Variants in BRAT1 observed in about 807,000 individuals in gnomAD.
The protein encoded by BRAT1 is BRCA1 associated ATM activator 1, also known as integrator complex assembly factor BRAT1.
A neutral mutation model predicts 70.6 loss-of-function variants in BRAT1; 74 were observed. That is an observed-to-expected ratio of 1.05 (90% CI 0.87 to 1.27). The LOEUF (loss-of-function observed/expected upper bound fraction) is 1.27, where lower values mean the gene tolerates loss of function less well. Ranked by LOEUF, BRAT1 falls within the 50% of genes most tolerant of loss-of-function variation. The pLI is 0.00. For synonymous variants in BRAT1, 615 were observed against 517.1 expected (o/e 1.19, Z -2.57); for missense variants, 1,203 against 1,098.2 (o/e 1.10, Z -1.35).
intron 10 of BRAT1, 53 bp from the exon 11 acceptor site, chr7:2,539,941 T>G (rs1359564341): frequency 4.6e-6 from 6 of 1,305,718 alleles, no homozygotes; most frequent in East Asian, 5.2e-5. Context: ...GGGCAGGCTG[T>G]CTGTCTGTCC....
At chr7:2,555,142 C>A (rs1293145218) in intron 1 of BRAT1, among the ~76,000 whole-genome samples, 1 of 151,636 alleles carries the variant, frequency 6.6e-6, no homozygotes, top group East Asian at 1.9e-4. Context: ...GGGCGCCTGT[C>A]TCTCCCAGGA....
chr7:2,540,803 G>T, intron 10 of BRAT1, 176 bp downstream of exon 10: 1 of 583,516 alleles, frequency 1.7e-6, no homozygotes, highest in Non-Finnish European at 2.7e-6. Context: ...ACCAACAAGA[G>T]GCCCTGGGCC....
At chr7:2,540,921 G>T (rs1779098782) in intron 10 of BRAT1, 58 bp downstream of exon 10, 3 of 1,443,680 alleles carry the variant, frequency 2.1e-6, no homozygotes, top group African/African-American at 2.9e-5. Context: ...GGAGTCAGGG[G>T]TGGGTCCCAC....
intron 2 of BRAT1, among the ~76,000 whole-genome samples, 193 bp downstream of exon 2, chr7:2,554,112 A>G (rs1309350600): frequency 6.6e-6 from 1 of 152,218 alleles, no homozygotes; most frequent in African/African-American, 2.4e-5. Context: ...TCTCCAGATC[A>G]TTCTCTCGGG....
chr7:2,544,096 G>T, intron 4 of BRAT1, 134 bp from the exon 5 acceptor site: 1 of 684,414 alleles, frequency 1.5e-6, no homozygotes. Context: ...CCACTCAAAA[G>T]CAAAAAAGAA....
intron 7 of BRAT1, 116 bp downstream of exon 7, chr7:2,542,004 G>T: frequency 8.3e-7 from 1 of 1,210,234 alleles, no homozygotes; most frequent in Non-Finnish European, 1.1e-6. Flanking sequence ...TTGGAGGGAG[G>T]CCTGGGTGTG....
Position 2,541,721 on chromosome 7 carries a change from C to T in BRAT1, c.1131G>A (p.Pro377=), listed in dbSNP as rs756690297. The T allele has an allele frequency of 1.4e-5, 22 of 1,606,206 alleles. No individual in the cohort carries two copies. Among genetic ancestry groups the T allele is most frequent in the Middle Eastern group, 1.7e-4 (1 of 6,006 alleles). The part of the protein sequence containing the change: ...RTLAHLEELQ[P]LPQRPSPWPQ... Reference sequence around the variant, plus strand: ...ATGAGGACCGGGCCGCACCTACCAGCGGCTGCAGCTCCTCCAGGTGAGCCA... The same window carrying T: ...ATGAGGACCGGGCCGCACCTACCAGTGGCTGCAGCTCCTCCAGGTGAGCCA... Residue 377 remains proline, a synonymous_variant, in exon 8 of 14, where the codon CCG becomes CCA. Transcript: ENST00000340611.
At chr7:2,545,909 T>C (rs1779573593) in intron 3 of BRAT1, among the ~76,000 whole-genome samples, 1 of 152,200 alleles carries the variant, frequency 6.6e-6, no homozygotes, top group Admixed American at 6.5e-5. Flanking sequence ...GGTGGGCTGC[T>C]AGGGAGCCTG....
chr7:2,549,622 C>A (rs1779854460), intron 2 of BRAT1, among the ~76,000 whole-genome samples: 1 of 152,020 alleles, frequency 6.6e-6, no homozygotes, highest in Non-Finnish European at 1.5e-5. Flanking sequence ...CAAAAGAATT[C>A]AAATCTAACA....
chr7:2,539,202 G>A lies in BRAT1; in HGVS notation c.1747C>T (p.Pro583Ser). The A allele has an allele frequency of 6.2e-7, 1 of 1,609,342 alleles. No individual in the cohort carries two copies. Among genetic ancestry groups the A allele is most frequent in the Non-Finnish European group, 8.5e-7 (1 of 1,178,852 alleles). The change falls in exon 13 of 14, where the codon CCT (proline) becomes TCT (serine). Residue 583 changes from proline (P) to serine (S), a missense_variant. Transcript: ENST00000340611. ...ACCTGCCGGGCCTCTGCATGCTCAG[G>A]GCTGGTGGGGGCGTGCAGGCCCTGG... is the stretch of plus-strand genomic sequence containing the variant. ...SSQGLHAPTSPEHAEARQSLF... is the reference protein window; with the variant it reads ...SSQGLHAPTSSEHAEARQSLF...
At position 2,546,596 on chromosome 7, in the gene BRAT1, G is replaced by A. The variant is rs879472606; in HGVS notation, c.282+728C>T. 1.4e-4 allele frequency among the ~76,000 whole-genome samples: 22 copies of A among 152,100 alleles called. No homozygotes were observed. The South Asian group carries it at 2.1e-3, about 14-fold the overall frequency. The stretch of plus-strand genomic sequence containing the variant: ...CTAAAACTACAAAAATTAGCTGGGC[G>A]TGGTGGCAGGTGCCTGTAGTCCCAG... On this transcript the variant is annotated intron_variant, in intron 3 of 13. Coordinates refer to ENST00000340611, the MANE Select transcript of BRAT1 (RefSeq NM_152743.4).
intron 2 of BRAT1, among the ~76,000 whole-genome samples, chr7:2,552,686 G>A (rs577284572): frequency 3.6e-4 from 55 of 151,854 alleles, no homozygotes; most frequent in Middle Eastern, 3.4e-3. Context: ...TATCAACCAT[G>A]AGAATAAACA....
intron 3 of BRAT1, among the ~76,000 whole-genome samples, chr7:2,545,294 G>A (rs556158485): frequency 6.8e-6 from 1 of 146,752 alleles, no homozygotes; most frequent in African/African-American, 2.5e-5. Context: ...AACCCGGGAG[G>A]CGAAGGTTGC....
intron 6 of BRAT1, chr7:2,542,445 G>A: frequency 1.8e-6 from 1 of 565,194 alleles, no homozygotes. Flanking sequence ...CAGATACTGA[G>A]GGGCCTCCAG....
rs1012266462 is a variant in BRAT1, at chr7:2,540,724, C to T, written c.1395+255G>A. 40 of 413,600 alleles carry T rather than the reference C, an allele frequency of 9.7e-5. No homozygotes were observed. The Middle Eastern group carries it at 2.9e-3, about 30-fold the overall frequency. 25.6% of individuals were successfully genotyped at this position (413,600 alleles called of 1,614,324 possible). On this transcript the variant is annotated intron_variant, in intron 10 of 13. Coordinates refer to ENST00000340611, the MANE Select transcript of BRAT1 (RefSeq NM_152743.4). Reference sequence around the variant, plus strand: ...CCTCATTTCCCTTGTCCAGAATTCCCCGCAGGCCGCCTGACCAGTGCCCCT... The same window carrying T: ...CCTCATTTCCCTTGTCCAGAATTCCTCGCAGGCCGCCTGACCAGTGCCCCT...
At chr7:2,554,846 G>A (rs1366060149) in intron 1 of BRAT1, among the ~76,000 whole-genome samples, 1 of 152,180 alleles carries the variant, frequency 6.6e-6, no homozygotes, top group East Asian at 1.9e-4. Flanking sequence ...GTCTACCCAT[G>A]CCCCAGGGCC....
intron 1 of BRAT1, among the ~76,000 whole-genome samples, 171 bp from the exon 2 acceptor site, chr7:2,554,618 G>A (rs1780276358): frequency 2.0e-5 from 3 of 152,250 alleles, no homozygotes; most frequent in Admixed American, 1.3e-4. Flanking sequence ...AGGGATGGAT[G>A]CAAAGCTTTG....
intron 7 of BRAT1, 46 bp from the exon 8 acceptor site, chr7:2,541,882 T>C: frequency 2.5e-6 from 4 of 1,588,658 alleles, no homozygotes; most frequent in Non-Finnish European, 3.4e-6. Flanking sequence ...CACTTCAGCC[T>C]CCCCACGGTC....
chr7:2,547,470 C>T lies in BRAT1; in HGVS notation c.136G>A (p.Val46Ile). The T allele has an allele frequency of 6.2e-7, 1 of 1,613,966 alleles. No homozygotes were observed. Among genetic ancestry groups the T allele is most frequent in the South Asian group, 1.1e-5 (1 of 91,080 alleles). The change falls in exon 3 of 14, where the codon GTC becomes ATC. Residue 46 changes from valine (V) to isoleucine (I), a missense_variant. Physicochemically the swap from Val to Ile is conservative, Grantham distance 29 (BLOSUM62 3). Coordinates refer to ENST00000340611, the MANE Select transcript of BRAT1 (RefSeq NM_152743.4). ...CAGGGGTGCTCCTGCAGCAGCACGA[C>T]ACTGGACTCTGTGGGGATGGCCCAG... ...FKTVTEGESS[V>I]VLLQEHPCLV...
Sources: allele counts gnomAD v4.1 joint callset (sites outside exome capture counted in the v4.1 genomes callset), GRCh38; gene constraint gnomAD v4.1.1; transcripts MANE v1.5; gene names NCBI Gene and HGNC (gene_info 2026-07-23, HGNC 2026-07-21).